AGK: variants seen among roughly 807,000 people sequenced by gnomAD.
The protein encoded by AGK is acylglycerol kinase, mitochondrial.
Under a neutral mutation model 66.4 loss-of-function variants are expected in AGK, and 52 were observed. The observed-to-expected ratio is 0.78, with a 90% confidence interval of 0.63 to 0.99. AGK has a LOEUF of 0.99. AGK is among the 50% of genes least tolerant of loss of function. AGK has a pLI of 0.00. For missense variants in AGK, 451 were observed against 506.6 expected (o/e 0.89, Z 1.05); for synonymous variants, 182 against 181.1 (o/e 1.00, Z -0.04).
intron 9 of AGK, among the ~76,000 whole-genome samples, chr7:141,622,930 GA>G (rs1435362188): frequency 6.6e-6 from 1 of 150,702 alleles, no homozygotes; most frequent in African/African-American, 2.4e-5. Context: ...AAAAAAAAAA[GA>G]AAAAAAGCTA....
At chr7:141,620,648 CAG>C (rs1237751300) in intron 8 of AGK, among the ~76,000 whole-genome samples, 1 of 152,166 alleles carries the variant, frequency 6.6e-6, no homozygotes, top group African/African-American at 2.4e-5. Context: ...TGCTGAAGCT[CAG>C]TGTGATTAGC....
At chr7:141,651,014 C>T (rs1303093669) in intron 14 of AGK, among the ~76,000 whole-genome samples, 5 of 152,174 alleles carry the variant, frequency 3.3e-5, no homozygotes, top group Non-Finnish European at 7.3e-5. Context: ...TATTCTCTAT[C>T]CTCAGTTGGT....
intron 13 of AGK, among the ~76,000 whole-genome samples, chr7:141,642,122 T>C (rs1289531001): frequency 6.6e-6 from 1 of 152,240 alleles, no homozygotes; most frequent in African/African-American, 2.4e-5. Flanking sequence ...TCTGGGGCTC[T>C]GATTACATGT....
intron 2 of AGK, among the ~76,000 whole-genome samples, chr7:141,584,059 G>T (rs892636088): frequency 4.8e-4 from 73 of 152,164 alleles, no homozygotes; most frequent in African/African-American, 1.7e-3. Context: ...GTGTCCATGT[G>T]AAGAGACCAC....
chr7:141,634,359 C>T (rs546823522), intron 10 of AGK, among the ~76,000 whole-genome samples: 11 of 152,302 alleles, frequency 7.2e-5, no homozygotes, highest in East Asian at 5.8e-4. Flanking sequence ...TACAGCCTTA[C>T]GGAGCTGTTG....
chr7:141,653,151 C>G lies in AGK; in HGVS notation c.*227C>G. ...GTTTTATTTTGGTGTGACGGTTGGC[C>G]CTCCTAAACACGGACTTTCCTCAGG... On this transcript the variant is annotated 3_prime_UTR_variant, in exon 16 of 16. Coordinates refer to ENST00000649286, the MANE Select transcript of AGK (RefSeq NM_018238.4). The G allele has an allele frequency of 2.0e-6, 1 of 506,116 alleles. No individual in the cohort carries two copies. Among genetic ancestry groups the G allele is most frequent in the Non-Finnish European group, 3.5e-6 (1 of 281,926 alleles). The allele number at this position is 506,116 out of a possible 1,614,324, so 31.4% of individuals were successfully genotyped here.
At chr7:141,569,069 A>G (rs1795531877) in intron 2 of AGK, among the ~76,000 whole-genome samples, 1 of 152,226 alleles carries the variant, frequency 6.6e-6, no homozygotes. Context: ...TTCTCCAAAC[A>G]TAGGAACATT....
chr7:141,605,187 A>G (rs1056686689), intron 5 of AGK, among the ~76,000 whole-genome samples: 2 of 152,178 alleles, frequency 1.3e-5, no homozygotes, highest in African/African-American at 4.8e-5. Context: ...TGTAAGGACT[A>G]GCCTAAAGTT....
intron 2 of AGK, among the ~76,000 whole-genome samples, chr7:141,588,839 A>AT: frequency 6.6e-6 from 1 of 152,230 alleles, no homozygotes; most frequent in East Asian, 1.9e-4. Flanking sequence ...TTGCCATGGC[A>AT]TTTGTAAACT....
intron 2 of AGK, among the ~76,000 whole-genome samples, chr7:141,590,592 C>T (rs1261762332): frequency 6.6e-6 from 1 of 152,064 alleles, no homozygotes; most frequent in Non-Finnish European, 1.5e-5. Flanking sequence ...TTTTGTTATC[C>T]AGAGGTTACT....
chr7:141,583,572 C>A (rs916461858), intron 2 of AGK, among the ~76,000 whole-genome samples: 1 of 151,664 alleles, frequency 6.6e-6, no homozygotes, highest in Non-Finnish European at 1.5e-5. Context: ...GCTTGCCCCC[C>A]AAAAAATGGT....
At chr7:141,648,988 C>T (rs931162167) in intron 13 of AGK, 9 of 292,326 alleles carry the variant, frequency 3.1e-5, no homozygotes, top group South Asian at 1.7e-4. Flanking sequence ...AGTGACAGAA[C>T]GTCCAGAACC....
At chr7:141,627,172 C>A (rs1796954510) in intron 9 of AGK, among the ~76,000 whole-genome samples, 1 of 152,146 alleles carries the variant, frequency 6.6e-6, no homozygotes, top group African/African-American at 2.4e-5. Context: ...GGTCCAGTAG[C>A]TGTTGTCAAT....
At chr7:141,592,233 G>A (rs1202982346) in intron 2 of AGK, among the ~76,000 whole-genome samples, 1 of 152,286 alleles carries the variant, frequency 6.6e-6, no homozygotes, top group East Asian at 1.9e-4. Flanking sequence ...CTCTCACTGG[G>A]CTAAGACAAA....
chr7:141,572,564 A>G (rs1795628158), intron 2 of AGK, among the ~76,000 whole-genome samples: 1 of 152,210 alleles, frequency 6.6e-6, no homozygotes, highest in Admixed American at 6.5e-5. Flanking sequence ...AGGTGTGTCA[A>G]GTGCCTGGTA....
intron 5 of AGK, among the ~76,000 whole-genome samples, chr7:141,608,556 T>A (rs1313827388): frequency 6.6e-6 from 1 of 152,134 alleles, no homozygotes; most frequent in Non-Finnish European, 1.5e-5. Context: ...CAGCTTTGTA[T>A]CATTTATGTA....
rs111246235 is a variant in AGK, at chr7:141,632,253, A to C, written c.589-1648A>C. ...TCTAAAAAAAAAAAAAACAAAAAAA[A>C]CCCACAAAATTTAAAAATCCTCCTT... On this transcript the variant is annotated intron_variant, in intron 9 of 15. Transcript: ENST00000649286. 3.4e-3 allele frequency among the ~76,000 whole-genome samples: 509 copies of C among 151,626 alleles called. 4 individuals are homozygous for C. The highest frequency in any genetic ancestry group is 0.011 in the African/African-American group (439 of 41,338).
At chr7:141,609,960 G>A (rs985327297) in intron 5 of AGK, among the ~76,000 whole-genome samples, 6 of 151,694 alleles carry the variant, frequency 4.0e-5, no homozygotes, top group Admixed American at 3.9e-4. Context: ...CGTATGTATG[G>A]GTTTTTTTTT....
chr7:141,618,413 T>C (rs1175412733), intron 8 of AGK, among the ~76,000 whole-genome samples: 1 of 152,216 alleles, frequency 6.6e-6, no homozygotes, highest in Non-Finnish European at 1.5e-5. Context: ...TAGTAGTACC[T>C]ACTTCAGAAG....
Sources: gnomAD v4.1 joint callset for allele counts (sites outside exome capture counted in the v4.1 genomes callset) on GRCh38, gnomAD v4.1.1 for gene constraint, MANE v1.5 for transcripts, NCBI Gene and HGNC (gene_info 2026-07-23, HGNC 2026-07-21) for gene names.